The following ABL1 variants were observed in gnomAD, a reference collection of about 807,000 sequenced individuals.
The protein encoded by ABL1 is ABL proto-oncogene 1, non-receptor tyrosine kinase.
A neutral mutation model predicts 94.7 loss-of-function variants in ABL1; 11 were observed. The observed-to-expected ratio is 0.12, with a 90% CI of 0.07 to 0.19. The LOEUF (loss-of-function observed/expected upper bound fraction) is 0.19. ABL1 is among the 10% of genes least tolerant of loss of function. ABL1 has a pLI of 1.00. For synonymous variants in ABL1, 656 were observed against 622.4 expected (o/e 1.05, Z -0.80); for missense variants, 1,082 against 1,489.4 (o/e 0.73, Z 4.50).
At chr9:130,876,367 CTTTGTT>C (rs1831342038) in intron 7 of ABL1, among the ~76,000 whole-genome samples, 1 of 149,776 alleles carries the variant, frequency 6.7e-6, no homozygotes, top group South Asian at 2.1e-4. Context: ...ATTCTTGCTT[CTTTGTT>C]TTTATTTACC....
At chr9:130,809,381 TGAGAGAGAGAGAGAGAGA>T (rs370101656) in intron 1 of ABL1, among the ~76,000 whole-genome samples, 46 of 132,684 alleles carry the variant, frequency 3.5e-4, no homozygotes, top group African/African-American at 1.2e-3. Context: ...TGAAGGTTCT[TGAGAGAGAGAGAGAGAGA>T]GAGAGAGAGA....
At chr9:130,797,967 C>A (rs1830002504) in intron 1 of ABL1, among the ~76,000 whole-genome samples, 1 of 152,074 alleles carries the variant, frequency 6.6e-6, no homozygotes, top group Non-Finnish European at 1.5e-5. Context: ...CTTTCTCTCC[C>A]CTTCCCCTCC....
At chr9:130,745,105 G>A (rs1436823717) in intron 1 of ABL1, among the ~76,000 whole-genome samples, 2 of 149,768 alleles carry the variant, frequency 1.3e-5, no homozygotes, top group African/African-American at 4.9e-5. Flanking sequence ...TTTGAGGGGG[G>A]CAGAGTTTTG....
At chr9:130,744,005 G>A (rs1314975226) in intron 1 of ABL1, among the ~76,000 whole-genome samples, 8 of 152,080 alleles carry the variant, frequency 5.3e-5, no homozygotes, top group Non-Finnish European at 1.0e-4. Flanking sequence ...CAACATGCTT[G>A]CTGCATACAA....
In ABL1 at chr9:130,835,691, A is replaced by T; in HGVS notation, c.79+166A>T. Among the ~76,000 whole-genome samples, 1 of 149,136 alleles carries T rather than the reference A, an allele frequency of 6.7e-6. No homozygotes were observed. The highest frequency in any genetic ancestry group is 1.5e-5 in the Non-Finnish European group (1 of 67,254). On this transcript the variant is annotated intron_variant, in intron 1 of 10. Transcript: ENST00000318560. This position sits in a 1 kb window ranked among gnomAD's most constrained non-coding sequence, Gnocchi z 4.6. Reference sequence around the variant, plus strand: ...CTTCTCTTCTCTTCAGTTCTCTTATATTCTGTCTCTCTTTCTTTCTCTCTG... The same window carrying T: ...CTTCTCTTCTCTTCAGTTCTCTTATTTTCTGTCTCTCTTTCTTTCTCTCTG...
chr9:130,872,817 G>A lies in ABL1; in HGVS notation c.908-43G>A. ...CTTTAGACAGTTGTTTGTTCAGTTG[G>A]GAGCGGAGCCACGTGTTGAAGTCCT... On this transcript the variant is annotated intron_variant, in intron 5 of 10. Coordinates refer to ENST00000318560, the MANE Select transcript of ABL1 (RefSeq NM_005157.6). The surrounding 1 kb of genome is among the most constrained non-coding windows in gnomAD (Gnocchi z 5.0). 1 of 1,575,742 alleles carries A rather than the reference G, an allele frequency of 6.3e-7. No homozygotes were observed.
At chr9:130,848,289 C>T (rs1213399088) in intron 1 of ABL1, among the ~76,000 whole-genome samples, 1 of 146,058 alleles carries the variant, frequency 6.8e-6, no homozygotes, top group South Asian at 2.2e-4. Flanking sequence ...TCACTTGAGA[C>T]CAGGAGTTCA....
At chr9:130,876,730 TTTC>T (rs1831350109) in intron 7 of ABL1, among the ~76,000 whole-genome samples, 2 of 131,266 alleles carry the variant, frequency 1.5e-5, no homozygotes, top group Non-Finnish European at 3.2e-5. Context: ...CACAAGTTGG[TTTC>T]TTTTTTTTTT....
At chr9:130,839,819 C>G (rs13294646) in intron 1 of ABL1, among the ~76,000 whole-genome samples, 32,655 of 152,104 alleles carry the variant, frequency 0.21, 4,313 homozygotes, top group African/African-American at 0.37. Flanking sequence ...CTGAGATGCT[C>G]TTTAGTCCAG....
At chr9:130,766,484 C>T (rs1438604554) in intron 1 of ABL1, among the ~76,000 whole-genome samples, 3 of 152,256 alleles carry the variant, frequency 2.0e-5, no homozygotes, top group Admixed American at 6.5e-5. Context: ...GAGTGTGCCC[C>T]GTGGTTAGGA....
intron 1 of ABL1, among the ~76,000 whole-genome samples, chr9:130,769,864 T>G (rs1224559437): frequency 6.6e-6 from 1 of 152,180 alleles, no homozygotes; most frequent in African/African-American, 2.4e-5. Flanking sequence ...TTCTCCCAGC[T>G]GCTGGCAACC....
intron 1 of ABL1, among the ~76,000 whole-genome samples, chr9:130,781,664 T>G (rs908717892): frequency 3.3e-5 from 5 of 152,208 alleles, no homozygotes; most frequent in African/African-American, 1.2e-4. Flanking sequence ...GTCTTTTATA[T>G]TACCAGATTT....
intron 1 of ABL1, among the ~76,000 whole-genome samples, chr9:130,785,449 T>G (rs573347317): frequency 6.6e-6 from 1 of 152,174 alleles, no homozygotes; most frequent in Non-Finnish European, 1.5e-5. Flanking sequence ...GTGCCCTTTC[T>G]GAAGAGTCTG....
At position 130,763,176 on chromosome 9, in the gene ABL1, CTTTTT is replaced by C. The variant is rs60319595; in HGVS notation, c.136+48730_136+48734del. 2.3e-3 allele frequency among the ~76,000 whole-genome samples: 334 copies of C among 142,834 alleles called. 1 individual carries two copies. Among genetic ancestry groups the C allele is most frequent in the African/African-American group, 8.0e-3 (313 of 39,094 alleles). 93.7% of individuals were successfully genotyped at this position (142,834 alleles called of 152,430 possible). On this transcript the variant is annotated intron_variant, in intron 1 of 10. Coordinates refer to the ABL1 transcript ENST00000372348. Reference sequence around the variant, plus strand: ...CTGCCCTGGGACATTTGGATAATTGCTTTTTTTTTTTTTCATTTCAGGTTCTAGTT... The same window carrying C: ...CTGCCCTGGGACATTTGGATAATTGCTTTTTTTTCATTTCAGGTTCTAGTT...
rs752579770 is a variant in ABL1 at position 130,835,411 on chromosome 9, G to A, written c.-36G>A. 7.1e-7 allele frequency: 1 copy of A among 1,401,898 alleles called. No homozygotes were observed. Among genetic ancestry groups the A allele is most frequent in the Admixed American group, 2.4e-5 (1 of 41,008 alleles). The allele number at this position is 1,401,898 out of a possible 1,614,324, so 86.8% of individuals were successfully genotyped here. Reference sequence around the variant, plus strand: ...GCCGGGCCCGCGGACCGAGCTGGGAGAGGGGTTCCGGCCCCCGACGTGCTG... The same window carrying A: ...GCCGGGCCCGCGGACCGAGCTGGGAAAGGGGTTCCGGCCCCCGACGTGCTG... On this transcript the variant is annotated 5_prime_UTR_variant, in exon 1 of 11. Transcript: ENST00000318560. This position sits in a 1 kb window ranked among gnomAD's most constrained non-coding sequence, Gnocchi z 4.6.
At chr9:130,808,953 A>G (rs1249177926) in intron 1 of ABL1, among the ~76,000 whole-genome samples, 1 of 152,252 alleles carries the variant, frequency 6.6e-6, no homozygotes, top group African/African-American at 2.4e-5. Flanking sequence ...CCTGAGAAAT[A>G]GAGCCCTATG....
chr9:130,877,147 C>T (rs1831359713), intron 7 of ABL1, among the ~76,000 whole-genome samples: 1 of 147,972 alleles, frequency 6.8e-6, no homozygotes, highest in Non-Finnish European at 1.5e-5. Context: ...CAGATTGTCT[C>T]GTCTTTGGCC....
At chr9:130,796,720 A>AAAAT (rs1046075274) in intron 1 of ABL1, among the ~76,000 whole-genome samples, 1 of 152,000 alleles carries the variant, frequency 6.6e-6, no homozygotes. Flanking sequence ...CACAGGTAAA[A>AAAAT]AAATAAATAA....
At chr9:130,762,909 CAAAA>C (rs5900905) in intron 1 of ABL1, among the ~76,000 whole-genome samples, 4 of 92,870 alleles carry the variant, frequency 4.3e-5, no homozygotes. Flanking sequence ...GACTCCGTCT[CAAAA>C]AAAAAAAAAA....
Sources: gnomAD v4.1 joint callset for allele counts (sites outside exome capture counted in the v4.1 genomes callset) on GRCh38, gnomAD v4.1.1 for gene constraint, Gnocchi (gnomAD v3.1) non-coding constraint, MANE v1.5 for transcripts, NCBI Gene and HGNC (gene_info 2026-07-23, HGNC 2026-07-21) for gene names.